The following MAN1C1 variants were observed in gnomAD, a reference collection of about 807,000 sequenced individuals.
The protein encoded by MAN1C1 is mannosidase alpha class 1C member 1.
MAN1C1 carries 49 observed loss-of-function variants against 71.5 expected under a neutral mutation model. The observed-to-expected ratio is 0.69, with a 90% CI of 0.54 to 0.87. The LOEUF is 0.87. Ranked by LOEUF, MAN1C1 falls within the 40% of genes least tolerant of loss-of-function variation. The pLI is 0.00. For missense variants in MAN1C1, 743 were observed against 835.0 expected, an observed-to-expected ratio of 0.89 and a Z score of 1.36; for synonymous variants, 352 against 343.7, an observed-to-expected ratio of 1.02 and a Z score of -0.27.
chr1:25,670,296 G>A lies in MAN1C1; in HGVS notation c.541-16144G>A, dbSNP rs1426382552. On this transcript the variant is annotated intron_variant, in intron 1 of 11. Transcript: ENST00000374332. ...GAAACCAGCACTTGGAGATTCCTGC[G>A]TTCCATGTGCCTTGCAGGATCTCTC... is the stretch of plus-strand genomic sequence containing the variant. Among the ~76,000 whole-genome samples, 6 of 152,296 alleles carry A rather than the reference G, an allele frequency of 3.9e-5. No homozygotes were observed. The South Asian group carries it at 8.3e-4, about 21-fold the overall frequency.
At chr1:25,748,316 G>A (rs549465541) in intron 3 of MAN1C1, among the ~76,000 whole-genome samples, 1 of 152,328 alleles carries the variant, frequency 6.6e-6, no homozygotes, top group South Asian at 2.1e-4. Flanking sequence ...AAGGGGAGCG[G>A]TTTTGCAGGT....
chr1:25,668,267 C>T (rs1449158875), intron 1 of MAN1C1, among the ~76,000 whole-genome samples: 2 of 152,038 alleles, frequency 1.3e-5, no homozygotes, highest in African/African-American at 4.8e-5. Flanking sequence ...AGTTATCCCC[C>T]ACCCCCTTAC....
At position 25,782,879 on chromosome 1, in the gene MAN1C1, C is replaced by T. The variant is rs934303629; in HGVS notation, c.1766+179C>T. The stretch of plus-strand genomic sequence containing the variant: ...TGAGCCTTGGGCCAGGCCGCTTTCT[C>T]GGAGAGTGAGACTGGGCTAGAATCC... On this transcript the variant is annotated intron_variant, in intron 11 of 11. Transcript: ENST00000374332. The surrounding 1 kb of genome is among the most constrained non-coding windows in gnomAD (Gnocchi z 4.4). 2.0e-5 allele frequency among the ~76,000 whole-genome samples: 3 copies of T among 152,160 alleles called. No individual in the cohort carries two copies. The highest frequency in any genetic ancestry group is 2.1e-4 in the South Asian group (1 of 4,830).
At chr1:25,662,558 G>A (rs1470839106) in intron 1 of MAN1C1, among the ~76,000 whole-genome samples, 2 of 120,606 alleles carry the variant, frequency 1.7e-5, no homozygotes, top group Non-Finnish European at 3.0e-5. Context: ...TGCTCATGGC[G>A]TGCACACATG....
At position 25,769,794 on chromosome 1, in the gene MAN1C1, C is replaced by T. The variant is rs954104152; in HGVS notation, c.1142-1863C>T. ...AGGGAGGCAGACCCGTACGCAGGCA[C>T]TCATCGCACACCCGGCGGGCACCCG... On this transcript the variant is annotated intron_variant, in intron 7 of 11. Transcript: ENST00000374332. This position sits in a 1 kb window ranked among gnomAD's most constrained non-coding sequence, Gnocchi z 4.8. 6.6e-6 allele frequency among the ~76,000 whole-genome samples: 1 copy of T among 152,236 alleles called. No individual in the cohort carries two copies. Among genetic ancestry groups the T allele is most frequent in the African/African-American group, 2.4e-5 (1 of 41,476 alleles).
At chr1:25,768,379 A>ACC (rs2047485731) in intron 7 of MAN1C1, among the ~76,000 whole-genome samples, 1 of 115,432 alleles carries the variant, frequency 8.7e-6, no homozygotes, top group African/African-American at 3.3e-5. Flanking sequence ...CCCCCCACAC[A>ACC]CACTCCCCTC....
chr1:25,660,805 C>T (rs894912547), intron 1 of MAN1C1, among the ~76,000 whole-genome samples: 1 of 152,100 alleles, frequency 6.6e-6, no homozygotes. Context: ...GTCCTCCCAC[C>T]TCAGCCTCCC....
At chr1:25,712,205 G>A (rs1443636055) in intron 2 of MAN1C1, among the ~76,000 whole-genome samples, 1 of 152,232 alleles carries the variant, frequency 6.6e-6, no homozygotes, top group African/African-American at 2.4e-5. Flanking sequence ...TGCTATGCTC[G>A]GCCGGCGTCT....
At chr1:25,732,128 C>G (rs1311174142) in intron 2 of MAN1C1, among the ~76,000 whole-genome samples, 1 of 152,084 alleles carries the variant, frequency 6.6e-6, no homozygotes. Flanking sequence ...AGAGGGTGCC[C>G]AGGCTCCTAG....
At chr1:25,765,231 C>T (rs888704861) in intron 7 of MAN1C1, among the ~76,000 whole-genome samples, 4 of 152,132 alleles carry the variant, frequency 2.6e-5, no homozygotes, top group South Asian at 2.1e-4. Context: ...GGTTTGGGGT[C>T]GCTTAGGTGT....
chr1:25,777,088 C>T (rs1252145396), intron 8 of MAN1C1, among the ~76,000 whole-genome samples: 1 of 152,176 alleles, frequency 6.6e-6, no homozygotes, highest in African/African-American at 2.4e-5. Context: ...ATCGTGGAGT[C>T]TTGGAGGCCC....
chr1:25,753,536 A>G lies in MAN1C1; in HGVS notation c.887A>G (p.Asn296Ser), dbSNP rs1487024599. The part of the protein sequence containing the change: ...RLGEKLLPAF[N>S]TPTGIPKGVV... The stretch of plus-strand genomic sequence containing the variant: ...GGAGAGAAGCTCCTGCCGGCGTTCA[A>G]CACCCCCACGGGAATCCCAAAGGGC... Residue 296 changes from asparagine (N) to serine (S), a missense_variant, in exon 5 of 12, where the codon AAC (asparagine) becomes AGC (serine). By Grantham distance (46) the Asn-to-Ser change is conservative. Transcript: ENST00000374332. The surrounding 1 kb of genome is among the most constrained non-coding windows in gnomAD (Gnocchi z 4.9). 2 of 1,613,890 alleles carry G rather than the reference A, an allele frequency of 1.2e-6. No individual in the cohort carries two copies. Among genetic ancestry groups the G allele is most frequent in the Non-Finnish European group, 1.7e-6 (2 of 1,179,924 alleles).
At chr1:25,766,326 G>C (rs1013408432) in intron 7 of MAN1C1, among the ~76,000 whole-genome samples, 1 of 151,990 alleles carries the variant, frequency 6.6e-6, no homozygotes, top group African/African-American at 2.4e-5. Context: ...GGTCATCTCA[G>C]GTTTCCTGTG....
chr1:25,768,182 T>A (rs2047476788), intron 7 of MAN1C1, among the ~76,000 whole-genome samples: 3 of 81,678 alleles, frequency 3.7e-5, no homozygotes, highest in African/African-American at 5.2e-5. Flanking sequence ...ACACCCACAG[T>A]CCCCTCACAT....
rs2047661563 is a variant in MAN1C1 at position 25,779,255 on chromosome 1, A to G, written c.1477+931A>G. Among the ~76,000 whole-genome samples, 1 of 150,442 alleles carries G rather than the reference A, an allele frequency of 6.6e-6. No individual in the cohort carries two copies. The highest frequency in any genetic ancestry group is 1.5e-5 in the Non-Finnish European group (1 of 67,386). ...CATTTGAAAAGATTAGAGAGGCCAG[A>G]TGGGCAGCCTCTGTTTTCTTATCTG... On this transcript the variant is annotated intron_variant, in intron 9 of 11. Coordinates refer to ENST00000374332, the MANE Select transcript of MAN1C1 (RefSeq NM_020379.4). This position sits in a 1 kb window ranked among gnomAD's most constrained non-coding sequence, Gnocchi z 4.6.
At chr1:25,780,531 C>T (rs2047678501) in intron 9 of MAN1C1, among the ~76,000 whole-genome samples, 2 of 152,210 alleles carry the variant, frequency 1.3e-5, no homozygotes, top group African/African-American at 4.8e-5. Flanking sequence ...AGATGGGAGA[C>T]TTATTTTGTT....
At chr1:25,749,986 G>A (rs2047192206) in intron 4 of MAN1C1, among the ~76,000 whole-genome samples, 2 of 152,344 alleles carry the variant, frequency 1.3e-5, no homozygotes, top group South Asian at 4.2e-4. Flanking sequence ...GTTTCCACAA[G>A]GAGGGCTGGG....
At chr1:25,681,236 A>AAAAAG (rs1022458838) in intron 1 of MAN1C1, among the ~76,000 whole-genome samples, 1 of 151,850 alleles carries the variant, frequency 6.6e-6, no homozygotes, top group Non-Finnish European at 1.5e-5. Context: ...CAAAAAAAAA[A>AAAAAG]AAAAGAAAAG....
intron 2 of MAN1C1, among the ~76,000 whole-genome samples, chr1:25,695,895 G>A (rs1167820039): frequency 6.6e-6 from 1 of 152,168 alleles, no homozygotes; most frequent in Non-Finnish European, 1.5e-5. Context: ...CTCTGCCCAG[G>A]GTTCTGTGAC....
Sources: allele counts gnomAD v4.1 joint callset (sites outside exome capture counted in the v4.1 genomes callset), GRCh38; gene constraint gnomAD v4.1.1; non-coding constraint Gnocchi (gnomAD v3.1); transcripts MANE v1.5; gene names NCBI Gene and HGNC (gene_info 2026-07-23, HGNC 2026-07-21).